The following DIP2A variants were observed in gnomAD, a reference collection of about 807,000 sequenced individuals.
DIP2A encodes disco-interacting protein 2 homolog A.
Under a neutral mutation model 177.4 loss-of-function variants are expected in DIP2A, and 85 were observed. The ratio of observed to expected loss-of-function variants is 0.48; its 90% confidence interval spans 0.40 to 0.57. The LOEUF (loss-of-function observed/expected upper bound fraction) is 0.57, where lower values mean the gene tolerates loss of function less well. DIP2A is among the 20% of genes least tolerant of loss of function. The pLI is 0.00. For missense variants in DIP2A, 1,791 were observed against 2,100.2 expected (o/e 0.85, Z 2.88); for synonymous variants, 886 against 881.8 (o/e 1.00, Z -0.08).
chr21:46,566,774 A>G, intron 37 of DIP2A, 91 bp downstream of exon 37: 1 of 1,525,086 alleles, frequency 6.6e-7, no homozygotes, highest in East Asian at 2.3e-5. Context: ...CAGAGCAAGG[A>G]CTGCTGGGCC....
intron 19 of DIP2A, 127 bp from the exon 20 acceptor site, chr21:46,545,754 C>T (rs2060004964): frequency 3.6e-6 from 4 of 1,126,634 alleles, no homozygotes; most frequent in East Asian, 4.8e-5. Flanking sequence ...TATGCAGGGC[C>T]AGCCTCCTTT....
In DIP2A at chr21:46,537,246, G is replaced by A; in HGVS notation, c.1665G>A (p.Leu555=). 1 of 1,614,030 alleles carries A rather than the reference G, an allele frequency of 6.2e-7. No individual in the cohort carries two copies. The highest frequency in any genetic ancestry group is 1.3e-5 in the African/African-American group (1 of 75,044). ...CAGCTGAAACATTAACAAACGTGCT[G>A]GATTTCAAAAGGGATGCTGGTCTGT... ...YSEAETLTNV[L]DFKRDAGLWH... The change falls in exon 14 of 38, where the codon CTG becomes CTA. Residue 555 remains leucine, a synonymous_variant. Coordinates refer to ENST00000417564, the MANE Select transcript of DIP2A (RefSeq NM_015151.4). This position sits in a 1 kb window ranked among gnomAD's most constrained non-coding sequence, Gnocchi z 4.1.
intron 1 of DIP2A, among the ~76,000 whole-genome samples, chr21:46,471,181 A>G (rs2055347219): frequency 2.0e-5 from 3 of 151,880 alleles, no homozygotes; most frequent in Admixed American, 6.6e-5. Flanking sequence ...TTTCAGGTGC[A>G]CTCTACCGTG....
intron 6 of DIP2A, among the ~76,000 whole-genome samples, chr21:46,506,760 CT>C: frequency 1.3e-5 from 1 of 76,612 alleles, no homozygotes; most frequent in African/African-American, 4.5e-5. Flanking sequence ...TTCTTTCTTT[CT>C]TTCTTTCTTT....
chr21:46,492,676 G>A (rs1443233650), intron 3 of DIP2A, among the ~76,000 whole-genome samples: 2 of 152,094 alleles, frequency 1.3e-5, no homozygotes, highest in Non-Finnish European at 2.9e-5. Flanking sequence ...ATAAGAAGAG[G>A]CATTGGCCAG....
chr21:46,476,897 T>A (rs2055894592), intron 1 of DIP2A, among the ~76,000 whole-genome samples: 1 of 152,190 alleles, frequency 6.6e-6, no homozygotes, highest in Non-Finnish European at 1.5e-5. Flanking sequence ...CCTCAAATGA[T>A]CTGCCTGCCT....
intron 32 of DIP2A, among the ~76,000 whole-genome samples, chr21:46,559,644 G>A (rs181155489): frequency 9.2e-5 from 14 of 152,360 alleles, no homozygotes; most frequent in Admixed American, 6.5e-4. Flanking sequence ...GCTAGACGTC[G>A]GAAGGGTATG....
rs113394836 is a variant in DIP2A, at chr21:46,556,031, C to T, written c.3438C>T (p.Pro1146=). ...CAAGCGTTTTCAGGCCCCCCTCCCC[C>T]GATGTCCTCGCATACTTGGACTTCA... is the stretch of plus-strand genomic sequence containing the variant. ...KIASVFRPPS[P]DVLAYLDFSV... The change falls in exon 29 of 38, where the codon CCC becomes CCT. Residue 1146 remains proline (P), a synonymous_variant. Coordinates refer to ENST00000417564, the MANE Select transcript of DIP2A (RefSeq NM_015151.4). This position sits in a 1 kb window ranked among gnomAD's most constrained non-coding sequence, Gnocchi z 4.5. The T allele has an allele frequency of 7.8e-5, 126 of 1,613,972 alleles. 1 individual carries two copies. The highest frequency in any genetic ancestry group is 7.6e-4 in the South Asian group (69 of 91,078).
rs2148892912 is a variant in DIP2A at position 46,556,877 on chromosome 21, C to G, written c.3499-62C>G. 7.0e-7 allele frequency: 1 copy of G among 1,428,938 alleles called. No homozygotes were observed. The highest frequency in any genetic ancestry group is 9.4e-7 in the Non-Finnish European group (1 of 1,066,244). 88.5% of individuals were successfully genotyped at this position (1,428,938 alleles called of 1,614,324 possible). ...CATGTGAACAGCGGACACTGCCATC[C>G]ACCCTCTCCCCTCCTGAATTTCATT... On this transcript the variant is annotated intron_variant, in intron 29 of 37. Transcript: ENST00000417564. The surrounding 1 kb of genome is among the most constrained non-coding windows in gnomAD (Gnocchi z 4.5).
At chr21:46,466,210 C>G (rs949847354) in intron 1 of DIP2A, among the ~76,000 whole-genome samples, 4 of 152,072 alleles carry the variant, frequency 2.6e-5, no homozygotes, top group African/African-American at 9.7e-5. Flanking sequence ...CTAATATTTT[C>G]CAGCTCACCA....
At position 46,545,118 on chromosome 21, in the gene DIP2A, G is replaced by GTTTTTTTTTT; in HGVS notation, c.2177-11_2177-10insTTTTTTTTTT. 6.4e-7 allele frequency: 1 copy of GTTTTTTTTTT among 1,569,444 alleles called. No homozygotes were observed. The highest frequency in any genetic ancestry group is 1.4e-5 in the African/African-American group (1 of 73,536). On this transcript the variant is annotated intron_variant, in intron 18 of 37. Coordinates refer to ENST00000417564, the MANE Select transcript of DIP2A (RefSeq NM_015151.4). ...TTAAACACGTTCTTGATAATTTTGAGTTTTTTTTCTCATTTTAGCTAATGT... is the reference window on the plus strand; with the variant it reads ...TTAAACACGTTCTTGATAATTTTGAGTTTTTTTTTTTTTTTTTTCTCATTTTAGCTAATGT...
At chr21:46,485,960 G>C (rs956800476) in intron 2 of DIP2A, among the ~76,000 whole-genome samples, 1 of 151,312 alleles carries the variant, frequency 6.6e-6, no homozygotes, top group Admixed American at 6.6e-5. Flanking sequence ...AGTTCCAGCT[G>C]CTCGGGAGGC....
At chr21:46,519,286 T>C (rs2058716627) in intron 8 of DIP2A, among the ~76,000 whole-genome samples, 1 of 152,186 alleles carries the variant, frequency 6.6e-6, no homozygotes, top group South Asian at 2.1e-4. Context: ...ATGACCTGTA[T>C]CTTGTGCCGA....
At chr21:46,503,611 CCT>C (rs2057790670) in intron 5 of DIP2A, among the ~76,000 whole-genome samples, 1 of 128,554 alleles carries the variant, frequency 7.8e-6, no homozygotes, top group Non-Finnish European at 1.6e-5. Context: ...TTCCTTCCTT[CCT>C]TTCTTTCTTT....
At chr21:46,549,935 C>A (rs1415723286) in intron 22 of DIP2A, 50 bp downstream of exon 22, 10 of 1,600,826 alleles carry the variant, frequency 6.2e-6, no homozygotes, top group Non-Finnish European at 6.8e-6. Flanking sequence ...CAAGCTGGCA[C>A]CCCCACTCCA....
chr21:46,557,430 G>A lies in DIP2A; in HGVS notation c.3630-155G>A, dbSNP rs1388790016. On this transcript the variant is annotated intron_variant, in intron 30 of 37. Coordinates refer to ENST00000417564, the MANE Select transcript of DIP2A (RefSeq NM_015151.4). The surrounding 1 kb of genome is among the most constrained non-coding windows in gnomAD (Gnocchi z 6.0). ...CCTGCCATCCCCCAACCTTCACCCT[G>A]TGGCATGTTTTCCACCAAACCCCCC... 10 of 958,132 alleles carry A rather than the reference G, an allele frequency of 1.0e-5. No individual in the cohort carries two copies. Among genetic ancestry groups the A allele is most frequent in the Admixed American group, 2.7e-5 (1 of 36,964 alleles). The allele number at this position is 958,132 out of a possible 1,614,324, so 59.4% of individuals were successfully genotyped here.
At chr21:46,497,267 C>T (rs1476893491) in intron 4 of DIP2A, among the ~76,000 whole-genome samples, 160 bp downstream of exon 4, 1 of 152,192 alleles carries the variant, frequency 6.6e-6, no homozygotes, top group African/African-American at 2.4e-5. Flanking sequence ...GTATTCCTTA[C>T]CTGAAAATCT....
At chr21:46,491,700 G>T (rs2057025470) in intron 3 of DIP2A, among the ~76,000 whole-genome samples, 1 of 152,198 alleles carries the variant, frequency 6.6e-6, no homozygotes, top group Non-Finnish European at 1.5e-5. Context: ...ACGCACACAT[G>T]TGTACTTTCC....
chr21:46,498,744 G>A lies in DIP2A; in HGVS notation c.566G>A (p.Gly189Glu), dbSNP rs1215440181. Residue 189 changes from glycine (G) to glutamate (E), a missense_variant, in exon 5 of 38, where the codon GGG (glycine) becomes GAG (glutamate). Physicochemically the swap from Gly to Glu is moderately conservative, Grantham distance 98 (BLOSUM62 -2). Coordinates refer to ENST00000417564, the MANE Select transcript of DIP2A (RefSeq NM_015151.4). The surrounding 1 kb of genome is among the most constrained non-coding windows in gnomAD (Gnocchi z 4.3). Reference protein sequence around the residue: ...SASSTSSHPGGRPTTAPSAAA... With the variant: ...SASSTSSHPGERPTTAPSAAA... ...TCCTCCACCTCATCTCACCCGGGAG[G>A]GAGACCCACCACTGCTCCCAGTGCT... 5 of 1,613,732 alleles carry A rather than the reference G, an allele frequency of 3.1e-6. No homozygotes were observed. The highest frequency in any genetic ancestry group is 2.7e-5 in the African/African-American group (2 of 74,906).
Sources: gnomAD v4.1 joint callset for allele counts (sites outside exome capture counted in the v4.1 genomes callset) on GRCh38, gnomAD v4.1.1 for gene constraint, Gnocchi (gnomAD v3.1) non-coding constraint, MANE v1.5 for transcripts, NCBI Gene and HGNC (gene_info 2026-07-23, HGNC 2026-07-21) for gene names.